SLC12A3: variants seen among roughly 807,000 people sequenced by gnomAD.
SLC12A3 encodes the protein solute carrier family 12 member 3, also known as Na-Cl cotransporter.
In SLC12A3, 104 loss-of-function variants were observed where a neutral mutation model predicts 121.0. The observed-to-expected ratio is 0.86, with a 90% CI of 0.73 to 1.01. The LOEUF is 1.01. SLC12A3 is among the 50% of genes least tolerant of loss of function. The pLI is 0.00. For missense variants in SLC12A3, 1,328 were observed against 1,356.3 expected, an observed-to-expected ratio of 0.98 and a Z score of 0.33; for synonymous variants, 536 against 533.4, an observed-to-expected ratio of 1.00 and a Z score of -0.07.
intron 21 of SLC12A3, among the ~76,000 whole-genome samples, chr16:56,894,155 C>T (rs1461156449): frequency 6.6e-6 from 1 of 151,966 alleles, no homozygotes; most frequent in Non-Finnish European, 1.5e-5. Context: ...AGGTGTGCAC[C>T]ATCAGGCCCA....
Position 56,913,765 on chromosome 16 carries a change from CAGTTTCTACAG to C in SLC12A3, c.*362_*372del, listed in dbSNP as rs1489039596. ...TCCCAATGCTGGGCGTGAATCTTGA[CAGTTTCTACAG>C]ACCTTCCTGGGTGAAAGTTCCTAAA... is the stretch of plus-strand genomic sequence containing the variant. On this transcript the variant is annotated 3_prime_UTR_variant, in exon 26 of 26. Transcript: ENST00000563236. 2.3e-5 allele frequency: 8 copies of C among 346,660 alleles called. No homozygotes were observed. Among genetic ancestry groups the C allele is most frequent in the Non-Finnish European group, 3.9e-5 (7 of 179,222 alleles). The allele number at this position is 346,660 out of a possible 1,614,324, so 21.5% of individuals were successfully genotyped here.
At position 56,913,362 on chromosome 16, in the gene SLC12A3, T is replaced by C; in HGVS notation, c.3023T>C (p.Ile1008Thr). 1 of 1,614,176 alleles carries C rather than the reference T, an allele frequency of 6.2e-7. No individual in the cohort carries two copies. The highest frequency in any genetic ancestry group is 8.5e-7 in the Non-Finnish European group (1 of 1,180,014). The change falls in exon 26 of 26, where the codon ATC becomes ACC. Residue 1008 changes from isoleucine to threonine, a missense_variant. Physicochemically the swap from Ile to Thr is moderately conservative, Grantham distance 89. Coordinates refer to ENST00000563236, the MANE Select transcript of SLC12A3 (RefSeq NM_001126108.2). ...SQDLRPPVIL[I>T]RGNQENVLTF... ...GACCTCAGACCTCCAGTCATCCTGA[T>C]CCGAGGAAACCAGGAAAACGTGCTC...
chr16:56,881,183 C>T (rs1191400821), intron 12 of SLC12A3, among the ~76,000 whole-genome samples: 1 of 152,218 alleles, frequency 6.6e-6, no homozygotes, highest in Non-Finnish European at 1.5e-5. Flanking sequence ...TGGGCACCCT[C>T]CTGCCAACAG....
chr16:56,903,622 C>T (rs762245174), intron 24 of SLC12A3, among the ~76,000 whole-genome samples: 2 of 152,236 alleles, frequency 1.3e-5, no homozygotes, highest in South Asian at 2.1e-4. Context: ...CCCTTACCCA[C>T]GTTAACTCCC....
chr16:56,879,556 G>A lies in SLC12A3; in HGVS notation c.1350G>A (p.Val450=). Residue 450 remains valine, a synonymous_variant, in exon 11 of 26, where the codon GTG becomes GTA. Coordinates refer to ENST00000563236, the MANE Select transcript of SLC12A3 (RefSeq NM_001126108.2). ...AATCCCCACAGACCATGAGCATGGT[G>A]TCAGGCTTCGCGCCCCTGATCACGG... ...LINYYQTMSM[V]SGFAPLITAG... 6.2e-7 allele frequency: 1 copy of A among 1,613,608 alleles called. No homozygotes were observed.
intron 3 of SLC12A3, 94 bp from the exon 4 acceptor site, chr16:56,869,635 G>T: frequency 1.0e-6 from 1 of 971,946 alleles, no homozygotes. Flanking sequence ...GCTCAGAGAA[G>T]GGAGATGAAC....
chr16:56,890,366 T>C lies in SLC12A3; in HGVS notation c.2368+10T>C, dbSNP rs766991488. ...ATGATGCAGGCGCACAGTGAGTACA[T>C]GCCCCACCCACTCCCAGAAAGTTCT... On this transcript the variant is annotated intron_variant, in intron 19 of 25. Coordinates refer to ENST00000563236, the MANE Select transcript of SLC12A3 (RefSeq NM_001126108.2). 2.5e-6 allele frequency: 4 copies of C among 1,611,876 alleles called. No homozygotes were observed. In the Admixed American group the frequency reaches 5.0e-5, roughly 20 times the overall value.
At chr16:56,865,560 AC>A (rs747020907) in intron 1 of SLC12A3, 43 bp downstream of exon 1, 1 of 1,595,050 alleles carries the variant, frequency 6.3e-7, no homozygotes, top group Non-Finnish European at 8.5e-7. Context: ...CTGCTGTGTG[AC>A]CTCGACCCAG....
intron 23 of SLC12A3, among the ~76,000 whole-genome samples, chr16:56,900,489 G>A (rs1281871983): frequency 6.7e-6 from 1 of 149,940 alleles, no homozygotes; most frequent in Non-Finnish European, 1.5e-5. Context: ...GACAGCAGGA[G>A]CAACATACAG....
Position 56,901,345 on chromosome 16 carries a change from C to CTTTTTTTTTTTTTTTT in SLC12A3, c.2721-1027_2721-1026insTTTTTTTTTTTTTTTT, listed in dbSNP as rs1408480661. On this transcript the variant is annotated intron_variant, in intron 23 of 25. Transcript: ENST00000563236. ...GCCAATCAGCCCTACATCTCTCTCT[C>CTTTTTTTTTTTTTTTT]TCTTTTTTTTTTTTGAGACAGTCTC... 1.9e-3 allele frequency among the ~76,000 whole-genome samples: 158 copies of CTTTTTTTTTTTTTTTT among 84,064 alleles called. 3 individuals carry two copies. Among genetic ancestry groups the CTTTTTTTTTTTTTTTT allele is most frequent in the African/African-American group, 9.1e-3 (147 of 16,154 alleles). 55.1% of individuals were successfully genotyped at this position (84,064 alleles called of 152,430 possible).
intron 17 of SLC12A3, 23 bp from the exon 18 acceptor site, chr16:56,887,902 A>C (rs1392423031): frequency 6.3e-7 from 1 of 1,588,536 alleles, no homozygotes; most frequent in South Asian, 1.1e-5. Context: ...TGGGTTCCCC[A>C]TCTCACCCCT....
At chr16:56,886,567 C>T in intron 16 of SLC12A3, 92 bp downstream of exon 16, 1 of 1,194,980 alleles carries the variant, frequency 8.4e-7, no homozygotes, top group Admixed American at 1.7e-5. Flanking sequence ...GGTGGATCAC[C>T]CGAGGTCAGG....
chr16:56,906,404 G>A (rs2055608353), intron 25 of SLC12A3: 1 of 155,454 alleles, frequency 6.4e-6, no homozygotes, highest in South Asian at 2.0e-4. Context: ...CATCCTCCTA[G>A]GTCTCATCAA....
intron 25 of SLC12A3, among the ~76,000 whole-genome samples, chr16:56,910,661 C>G (rs955592398): frequency 6.6e-6 from 1 of 152,108 alleles, no homozygotes; most frequent in Non-Finnish European, 1.5e-5. Flanking sequence ...TTATAATCAC[C>G]CCCTCACTCC....
At chr16:56,896,700 T>C (rs765323141) in intron 22 of SLC12A3, among the ~76,000 whole-genome samples, 1 of 152,200 alleles carries the variant, frequency 6.6e-6, no homozygotes, top group African/African-American at 2.4e-5. Flanking sequence ...TGAGCTATGA[T>C]TGCACCACTG....
At chr16:56,872,553 G>A (rs2055111946) in intron 7 of SLC12A3, 91 bp downstream of exon 7, 2 of 1,599,212 alleles carry the variant, frequency 1.3e-6, no homozygotes, top group African/African-American at 1.3e-5. Flanking sequence ...TGGGAGGATG[G>A]GATTACCCAA....
rs1233683747 is a variant in SLC12A3 at position 56,887,034 on chromosome 16, G to C, written c.2119G>C (p.Ala707Pro). The change falls in exon 17 of 26, where the codon GCC becomes CCC. Residue 707 changes from alanine to proline, a missense_variant. Coordinates refer to ENST00000563236, the MANE Select transcript of SLC12A3 (RefSeq NM_001126108.2). The stretch of plus-strand genomic sequence containing the variant: ...GTGGCTGAACAAGAGGAAGATCAAG[G>C]CCTTCTACTCGGATGTCATTGCCGA... ...TKWLNKRKIK[A>P]FYSDVIAEDL... 1 of 1,613,990 alleles carries C rather than the reference G, an allele frequency of 6.2e-7. No individual in the cohort carries two copies. The highest frequency in any genetic ancestry group is 8.5e-7 in the Non-Finnish European group (1 of 1,180,040).
At chr16:56,908,424 C>T (rs908052134) in intron 25 of SLC12A3, among the ~76,000 whole-genome samples, 5 of 152,034 alleles carry the variant, frequency 3.3e-5, no homozygotes, top group African/African-American at 1.2e-4. Context: ...GGATTACAGG[C>T]GTGAGCCACG....
At position 56,893,100 on chromosome 16, in the gene SLC12A3, G is replaced by A. The variant is rs563545939; in HGVS notation, c.2521+46G>A. The A allele has an allele frequency of 2.2e-5, 32 of 1,483,450 alleles. 1 individual carries two copies. In the South Asian group the frequency reaches 3.4e-4, roughly 16 times the overall value. 91.9% of individuals were successfully genotyped at this position (1,483,450 alleles called of 1,614,324 possible). A position where few individuals can be genotyped will look rare whatever the true frequency, so the allele number is the denominator to read the frequency against. ...AGCCCTCCTGCCCGGCGGGGGCGGG[G>A]TGGTGGTGGTCTTCCTTCCTTCTCC... On this transcript the variant is annotated intron_variant, in intron 21 of 25. Transcript: ENST00000563236.
Sources: allele counts gnomAD v4.1 joint callset (sites outside exome capture counted in the v4.1 genomes callset), GRCh38; gene constraint gnomAD v4.1.1; transcripts MANE v1.5; gene names NCBI Gene and HGNC (gene_info 2026-07-23, HGNC 2026-07-21).